The following SENP2 variants were observed in gnomAD, a reference collection of about 807,000 sequenced individuals.
The protein encoded by SENP2 is sentrin-specific protease 2.
In SENP2, 16 loss-of-function variants were observed where a neutral mutation model predicts 86.3. The observed-to-expected ratio is 0.19, with a 90% CI of 0.13 to 0.28. The LOEUF (loss-of-function observed/expected upper bound fraction) is 0.28. Among genes scored for constraint, SENP2 ranks in the 10% least tolerant of loss-of-function variants. The pLI, the probability that SENP2 is intolerant of heterozygous loss-of-function variation, is 1.00. For synonymous variants in SENP2, 222 were observed against 238.7 expected (o/e 0.93, Z 0.64); for missense variants, 552 against 703.0 (o/e 0.79, Z 2.43).
intron 12 of SENP2, among the ~76,000 whole-genome samples, chr3:185,618,817 T>TGCAA (rs1181914386): frequency 1.3e-5 from 2 of 152,042 alleles, no homozygotes; most frequent in Non-Finnish European, 2.9e-5. Context: ...AGGCAGAGCT[T>TGCAA]GCAGTGAGCC....
chr3:185,626,593 T>G (rs1431983795), intron 16 of SENP2, among the ~76,000 whole-genome samples, 200 bp downstream of exon 16: 1 of 130,570 alleles, frequency 7.7e-6, no homozygotes, highest in African/African-American at 2.9e-5. Flanking sequence ...GCCAACATGG[T>G]GAAACCCCAT....
In SENP2 at chr3:185,632,386, C is replaced by G. The variant is rs1712524059; in HGVS notation, c.*2542C>G. The G allele has an allele frequency of 1.3e-5, 2 of 150,878 alleles. 1 individual carries two copies. The highest frequency in any genetic ancestry group is 4.2e-4 in the South Asian group (2 of 4,764). 9.3% of individuals were successfully genotyped at this position (150,878 alleles called of 1,614,324 possible). A position where few individuals can be genotyped will look rare whatever the true frequency, so the allele number is the denominator to read the frequency against. On this transcript the variant is annotated 3_prime_UTR_variant, in exon 17 of 17. Transcript: ENST00000296257. ...CGTAGCTGGGATTACAGGTGCCCAC[C>G]ACCACACCCTGCTAATTTTTGTACT...
chr3:185,607,292 CAT>C (rs1030299979), intron 6 of SENP2, among the ~76,000 whole-genome samples: 14 of 137,566 alleles, frequency 1.0e-4, no homozygotes, highest in African/African-American at 3.5e-4. Flanking sequence ...AAGAAAGAGT[CAT>C]ATTAGGAAGA....
At position 185,620,995 on chromosome 3, in the gene SENP2, G is replaced by A. The variant is rs1213471840; in HGVS notation, c.1447-831G>A. Reference sequence around the variant, plus strand: ...CTATACAAATTTAAAAATTTGCTGGGCGTGGTGGTGCACACCTGTGGTCCC... The same window carrying A: ...CTATACAAATTTAAAAATTTGCTGGACGTGGTGGTGCACACCTGTGGTCCC... On this transcript the variant is annotated intron_variant, in intron 13 of 16. Coordinates refer to ENST00000296257, the MANE Select transcript of SENP2 (RefSeq NM_021627.3). Among the ~76,000 whole-genome samples the A allele has an allele frequency of 1.1e-4, 16 of 150,920 alleles. No individual in the cohort carries two copies. In the Admixed American group the frequency reaches 1.1e-3, roughly 10 times the overall value.
intron 14 of SENP2, among the ~76,000 whole-genome samples, chr3:185,622,113 T>G (rs1203791087): frequency 1.3e-5 from 2 of 152,244 alleles, no homozygotes; most frequent in African/African-American, 4.8e-5. Flanking sequence ...TGTATTATGA[T>G]GTAAAATAGA....
At chr3:185,589,929 A>G (rs1320816454) in intron 1 of SENP2, among the ~76,000 whole-genome samples, 185 bp from the exon 2 acceptor site, 1 of 152,084 alleles carries the variant, frequency 6.6e-6, no homozygotes, top group Admixed American at 6.6e-5. Context: ...TGGCCTCCCA[A>G]AGTGCTGGGA....
At chr3:185,590,884 A>AG (rs1721963570) in intron 2 of SENP2, among the ~76,000 whole-genome samples, 1 of 145,612 alleles carries the variant, frequency 6.9e-6, no homozygotes, top group Non-Finnish European at 1.5e-5. Flanking sequence ...AAAAAAAAAA[A>AG]AAAAAAAGAA....
intron 9 of SENP2, 150 bp downstream of exon 9, chr3:185,612,808 G>T: frequency 1.7e-6 from 1 of 582,210 alleles, no homozygotes; most frequent in Non-Finnish European, 3.0e-6. Flanking sequence ...GTAGCTAGCT[G>T]TTGTGTCAGA....
intron 5 of SENP2, among the ~76,000 whole-genome samples, chr3:185,603,003 C>A (rs1577725463): frequency 6.8e-6 from 1 of 147,494 alleles, no homozygotes; most frequent in South Asian, 2.2e-4. Flanking sequence ...ACCTCTGCCT[C>A]CTGGGTTCAA....
chr3:185,620,680 G>A (rs993779236), intron 13 of SENP2, among the ~76,000 whole-genome samples: 2 of 150,288 alleles, frequency 1.3e-5, no homozygotes, highest in African/African-American at 2.4e-5. Context: ...TCCTGACCTC[G>A]TGATCCGCCA....
At chr3:185,601,803 A>G (rs762559066) in intron 5 of SENP2, among the ~76,000 whole-genome samples, 14 of 151,388 alleles carry the variant, frequency 9.2e-5, no homozygotes, top group Non-Finnish European at 1.5e-4. Flanking sequence ...ATGCCCAGCT[A>G]TTTTTTGCAT....
At position 185,621,156 on chromosome 3, in the gene SENP2, C is replaced by CAAAA. The variant is rs1206042436; in HGVS notation, c.1447-652_1447-649dup. 3.5e-3 allele frequency among the ~76,000 whole-genome samples: 137 copies of CAAAA among 38,856 alleles called. 1 individual carries two copies. Among genetic ancestry groups the CAAAA allele is most frequent in the African/African-American group, 0.012 (115 of 9,504 alleles). 25.5% of individuals were successfully genotyped at this position (38,856 alleles called of 152,430 possible). A position where few individuals can be genotyped will look rare whatever the true frequency, so the allele number is the denominator to read the frequency against. ...TGGGTCACAGAGTGAGATCTTGTCTCAAAAAAAAAAAAAAAAAAAAAGAGA... is the reference window on the plus strand; with the variant it reads ...TGGGTCACAGAGTGAGATCTTGTCTCAAAAAAAAAAAAAAAAAAAAAAAAAGAGA... On this transcript the variant is annotated intron_variant, in intron 13 of 16. Coordinates refer to ENST00000296257, the MANE Select transcript of SENP2 (RefSeq NM_021627.3).
chr3:185,593,921 G>A (rs890207353), intron 2 of SENP2, among the ~76,000 whole-genome samples: 2 of 151,698 alleles, frequency 1.3e-5, no homozygotes, highest in Non-Finnish European at 2.9e-5. Context: ...TAGAGACAGG[G>A]TTTCACCATG....
intron 2 of SENP2, 38 bp downstream of exon 2, chr3:185,590,207 A>G (rs753207296): frequency 2.5e-5 from 28 of 1,116,308 alleles, no homozygotes; most frequent in Middle Eastern, 5.2e-4. Context: ...TAGTTTTTAA[A>G]TAGGAAAAAT....
At chr3:185,599,288 A>G (rs190839925) in intron 4 of SENP2, among the ~76,000 whole-genome samples, 12 of 152,352 alleles carry the variant, frequency 7.9e-5, no homozygotes, top group African/African-American at 2.2e-4. Flanking sequence ...AAAAACAAAA[A>G]AGCAAAAACA....
At chr3:185,612,092 G>A in intron 8 of SENP2, 1 of 174,484 alleles carries the variant, frequency 5.7e-6, no homozygotes. Context: ...GGGAGGTGGA[G>A]GTTGCAGTGA....
chr3:185,589,678 A>G (rs1721913010), intron 1 of SENP2, among the ~76,000 whole-genome samples: 1 of 152,110 alleles, frequency 6.6e-6, no homozygotes, highest in African/African-American at 2.4e-5. Flanking sequence ...TTTTAGTTTT[A>G]TTTCTTTTTA....
chr3:185,603,098 G>A (rs192247361), intron 5 of SENP2, among the ~76,000 whole-genome samples: 2 of 151,610 alleles, frequency 1.3e-5, no homozygotes, highest in Non-Finnish European at 2.9e-5. Flanking sequence ...TTTTGGTAGA[G>A]ATGGGGTTTC....
chr3:185,609,154 C>A, intron 6 of SENP2, 93 bp from the exon 7 acceptor site: 2 of 765,702 alleles, frequency 2.6e-6, no homozygotes, highest in Non-Finnish European at 4.3e-6. Flanking sequence ...AAACATAGTG[C>A]TGGCAAATAA....
Sources: allele counts gnomAD v4.1 joint callset (sites outside exome capture counted in the v4.1 genomes callset), GRCh38; gene constraint gnomAD v4.1.1; transcripts MANE v1.5; gene names NCBI Gene and HGNC (gene_info 2026-07-23, HGNC 2026-07-21).